PPFIA1: variants seen among roughly 807,000 people sequenced by gnomAD.
The protein encoded by PPFIA1 is liprin-alpha-1.
Under a neutral mutation model 149.9 loss-of-function variants are expected in PPFIA1, and 25 were observed. The observed-to-expected ratio is 0.17, with a 90% CI of 0.12 to 0.23. The LOEUF (loss-of-function observed/expected upper bound fraction) is 0.23. Ranked by LOEUF, PPFIA1 falls within the 10% of genes least tolerant of loss-of-function variation. PPFIA1 has a pLI of 1.00. For synonymous variants in PPFIA1, 549 were observed against 552.8 expected, an observed-to-expected ratio of 0.99 and a Z score of 0.10; for missense variants, 1,362 against 1,506.5, an observed-to-expected ratio of 0.90 and a Z score of 1.59.
At chr11:70,343,107 C>G (rs1330640577) in intron 14 of PPFIA1, among the ~76,000 whole-genome samples, 3 of 152,088 alleles carry the variant, frequency 2.0e-5, no homozygotes, top group Non-Finnish European at 4.4e-5. Context: ...GCCACTACAC[C>G]TGGCTAATTT....
chr11:70,332,158 C>G, intron 9 of PPFIA1, 64 bp downstream of exon 9: 1 of 1,489,526 alleles, frequency 6.7e-7, no homozygotes, highest in South Asian at 1.4e-5. Flanking sequence ...GCCTGTGTAC[C>G]TTGTTTGTCA....
chr11:70,357,132 G>C (rs1426529490), intron 19 of PPFIA1, among the ~76,000 whole-genome samples: 2 of 152,214 alleles, frequency 1.3e-5, no homozygotes, highest in Non-Finnish European at 1.5e-5. Context: ...AAAATAGGCA[G>C]TTTGTGTAGT....
chr11:70,364,197 A>G (rs1392312172), intron 21 of PPFIA1: 5 of 152,250 alleles, frequency 3.3e-5, no homozygotes, highest in African/African-American at 4.8e-5. Context: ...GGGGAGCTAA[A>G]GACCCTGGGA....
In PPFIA1 at chr11:70,313,978, A is replaced by G. The variant is rs138470027; in HGVS notation, c.265-10424A>G. On this transcript the variant is annotated intron_variant, in intron 2 of 27. Coordinates refer to ENST00000253925, the MANE Select transcript of PPFIA1 (RefSeq NM_003626.5). ...GGTTTCAGTGAGCCGTGATTGCCCC[A>G]CTGCACTCCAGCCTGGATGAGAGAT... Among the ~76,000 whole-genome samples, 51 of 152,256 alleles carry G rather than the reference A, an allele frequency of 3.3e-4. No individual in the cohort carries two copies. In the East Asian group the frequency reaches 8.3e-3, roughly 25 times the overall value.
chr11:70,333,348 C>A, intron 9 of PPFIA1, 122 bp from the exon 10 acceptor site: 1 of 753,624 alleles, frequency 1.3e-6, no homozygotes, highest in Non-Finnish European at 2.4e-6. Flanking sequence ...TACATGCTTT[C>A]CATTTAGTAT....
At chr11:70,303,073 T>TG (rs758441017) in intron 2 of PPFIA1, among the ~76,000 whole-genome samples, 2 of 152,242 alleles carry the variant, frequency 1.3e-5, no homozygotes, top group Non-Finnish European at 2.9e-5. Context: ...TCCTTGGTCT[T>TG]GCGTATGCTG....
At chr11:70,364,648 A>G (rs569761577) in intron 21 of PPFIA1, 1 of 152,302 alleles carries the variant, frequency 6.6e-6, no homozygotes, top group South Asian at 2.1e-4. Context: ...TGTTGCTCCA[A>G]GAGCTCCTTT....
chr11:70,330,104 CT>C (rs1488842440), intron 7 of PPFIA1, 68 bp from the exon 8 acceptor site: 1 of 1,398,216 alleles, frequency 7.2e-7, no homozygotes, highest in Non-Finnish European at 9.8e-7. Flanking sequence ...GTTTTTTTCT[CT>C]CTTAAGTATC....
At chr11:70,316,349 G>A (rs537207955) in intron 2 of PPFIA1, among the ~76,000 whole-genome samples, 1 of 152,344 alleles carries the variant, frequency 6.6e-6, no homozygotes, top group Non-Finnish European at 1.5e-5. Context: ...TGGGATTACA[G>A]GCATGTGCCA....
At chr11:70,325,040 G>A in intron 4 of PPFIA1, 29 bp downstream of exon 4, 2 of 1,576,444 alleles carry the variant, frequency 1.3e-6, no homozygotes. Flanking sequence ...GTCTTGGTTT[G>A]TGCACATGCT....
At chr11:70,368,503 T>C (rs1479350507) in intron 21 of PPFIA1, among the ~76,000 whole-genome samples, 4 of 152,188 alleles carry the variant, frequency 2.6e-5, no homozygotes, top group Non-Finnish European at 5.9e-5. Context: ...AGCTGCAGAC[T>C]TCAGGTACCT....
chr11:70,324,408 G>A lies in PPFIA1; in HGVS notation c.271G>A (p.Ala91Thr), dbSNP rs199844505. The part of the protein sequence containing the change: ...QLNTALPQEF[A>T]ALTKELNVCR... The stretch of plus-strand genomic sequence containing the variant: ...TTGTTTTGTGATTTTCTAGGAGTTC[G>A]CAGCACTTACTAAAGAACTCAATGT... The change falls in exon 3 of 28, where the codon GCA (alanine) becomes ACA (threonine). Residue 91 changes from alanine (A) to threonine (T), a missense_variant. Ala to Thr is a moderately conservative substitution (Grantham distance 58). Around this residue, in one of 7 missense-constraint regions of PPFIA1, gnomAD observed 79 missense variants for 146.2 expected, o/e 0.54. Coordinates refer to ENST00000253925, the MANE Select transcript of PPFIA1 (RefSeq NM_003626.5). 56 of 1,604,238 alleles carry A rather than the reference G, an allele frequency of 3.5e-5. No homozygotes were observed. The Admixed American group carries it at 3.8e-4, about 11-fold the overall frequency.
intron 2 of PPFIA1, among the ~76,000 whole-genome samples, chr11:70,286,935 CATAT>C (rs1163522820): frequency 5.2e-5 from 7 of 134,798 alleles, no homozygotes; most frequent in African/African-American, 2.1e-4. Flanking sequence ...TATATATACA[CATAT>C]ATATACACAT....
In PPFIA1 at chr11:70,326,613, C is replaced by T. The variant is rs747220973; in HGVS notation, c.725C>T (p.Ser242Phe). 4.3e-6 allele frequency: 7 copies of T among 1,613,702 alleles called. No homozygotes were observed. Among genetic ancestry groups the T allele is most frequent in the Admixed American group, 1.7e-5 (1 of 59,942 alleles). The change falls in exon 7 of 28, where the codon TCT becomes TTT. Residue 242 changes from serine (S) to phenylalanine (F), a missense_variant. Ser to Phe is a radical substitution (Grantham distance 155, BLOSUM62 -2). Around this residue, in one of 7 missense-constraint regions of PPFIA1, gnomAD observed 733 missense variants for 744.1 expected, o/e 0.99. Coordinates refer to ENST00000253925, the MANE Select transcript of PPFIA1 (RefSeq NM_003626.5). ...CCCTATCAGAGATCTTCTGATGGTT[C>T]TTTAAGCCACGAGGAAGACCTTGCT... ...STSGKRSSDG[S>F]LSHEEDLAKV...
intron 15 of PPFIA1, among the ~76,000 whole-genome samples, chr11:70,346,931 A>G (rs934649310): frequency 6.6e-6 from 1 of 152,248 alleles, no homozygotes; most frequent in Non-Finnish European, 1.5e-5. Context: ...CTAGTGATCC[A>G]TGACACTCTA....
chr11:70,302,026 GTC>G (rs2052518962), intron 2 of PPFIA1, among the ~76,000 whole-genome samples: 1 of 152,244 alleles, frequency 6.6e-6, no homozygotes, highest in South Asian at 2.1e-4. Flanking sequence ...GAAGCATGGA[GTC>G]TAAGTGGACT....
chr11:70,336,364 T>C (rs975161066), intron 11 of PPFIA1, among the ~76,000 whole-genome samples: 1 of 151,854 alleles, frequency 6.6e-6, no homozygotes, highest in Non-Finnish European at 1.5e-5. Context: ...TAGCCAGGCC[T>C]GGGGGCACCC....
intron 25 of PPFIA1, among the ~76,000 whole-genome samples, chr11:70,377,200 T>C (rs2057528797): frequency 6.6e-6 from 1 of 152,136 alleles, no homozygotes; most frequent in Non-Finnish European, 1.5e-5. Flanking sequence ...TCATAAAACA[T>C]TGGTTGCAGC....
At chr11:70,311,698 G>T (rs571447318) in intron 2 of PPFIA1, among the ~76,000 whole-genome samples, 1 of 152,128 alleles carries the variant, frequency 6.6e-6, no homozygotes, top group Admixed American at 6.5e-5. Flanking sequence ...GATTGTTACG[G>T]TTGTGGACCA....
Sources: gnomAD v4.1 joint callset for allele counts (sites outside exome capture counted in the v4.1 genomes callset) on GRCh38, gnomAD v4.1.1 for gene constraint, gnomAD v4.1.1 regional missense constraint, MANE v1.5 for transcripts, NCBI Gene and HGNC (gene_info 2026-07-23, HGNC 2026-07-21) for gene names.